ACOT13: variants seen among roughly 807,000 people sequenced by gnomAD.
ACOT13 encodes acyl-CoA thioesterase 13.
Under a neutral mutation model 11.8 loss-of-function variants are expected in ACOT13, and 10 were observed. That is an observed-to-expected ratio of 0.85 (90% CI 0.53 to 1.44). The LOEUF (loss-of-function observed/expected upper bound fraction) is 1.44, where lower values mean the gene tolerates loss of function less well. Among genes scored for constraint, ACOT13 ranks in the 40% most tolerant of loss-of-function variants. The probability of loss-of-function intolerance (pLI) is 0.00; values close to 1 mark genes in which losing one functional copy is unlikely to be tolerated. For missense variants in ACOT13, 172 were observed against 174.1 expected (o/e 0.99, Z 0.07); for synonymous variants, 53 against 61.0 (o/e 0.87, Z 0.61).
At chr6:24,668,775 A>G (rs112047292) in intron 1 of ACOT13, among the ~76,000 whole-genome samples, 1 of 152,164 alleles carries the variant, frequency 6.6e-6, no homozygotes, top group African/African-American at 2.4e-5. Context: ...TTACACTCCT[A>G]TGGGAAGATC....
At chr6:24,679,954 C>T (rs1457624605) in intron 1 of ACOT13, among the ~76,000 whole-genome samples, 1 of 152,152 alleles carries the variant, frequency 6.6e-6, no homozygotes, top group Non-Finnish European at 1.5e-5. Context: ...CCTCACATTG[C>T]TTGGAGGGGG....
At chr6:24,689,818 G>T (rs770106964) in intron 1 of ACOT13, among the ~76,000 whole-genome samples, 7 of 152,180 alleles carry the variant, frequency 4.6e-5, no homozygotes, top group Non-Finnish European at 8.8e-5. Flanking sequence ...GTGAAGTAAT[G>T]AACTCAAGAG....
chr6:24,700,425 C>CTT (rs34173572), intron 2 of ACOT13, among the ~76,000 whole-genome samples: 1,653 of 105,082 alleles, frequency 0.016, 283 homozygotes, highest in African/African-American at 0.06. Flanking sequence ...TAAGATCCAC[C>CTT]TTTTTTTTTT....
At chr6:24,692,660 C>A (rs945783795) in intron 1 of ACOT13, among the ~76,000 whole-genome samples, 3 of 152,166 alleles carry the variant, frequency 2.0e-5, no homozygotes, top group African/African-American at 7.2e-5. Flanking sequence ...CTCAAGCAAT[C>A]CTCCCACCTC....
Position 24,671,041 on chromosome 6 carries a change from G to A in ACOT13, c.81+3697G>A, listed in dbSNP as rs113108706. ...AGTGTAAACTAGGTCAACCATTGTG[G>A]AAGACACTGTGGTGATTCCTCAAGG... On this transcript the variant is annotated intron_variant, in intron 1 of 2. Transcript: ENST00000230048. Among the ~76,000 whole-genome samples, 400 of 152,212 alleles carry A rather than the reference G, an allele frequency of 2.6e-3. 4 individuals carry two copies. Among genetic ancestry groups the A allele is most frequent in the African/African-American group, 9.2e-3 (380 of 41,526 alleles).
chr6:24,672,083 AT>A (rs1778374596), intron 1 of ACOT13, among the ~76,000 whole-genome samples: 1 of 152,250 alleles, frequency 6.6e-6, no homozygotes, highest in African/African-American at 2.4e-5. Context: ...ATAATTTATA[AT>A]TTGATTTTGG....
At chr6:24,681,560 G>A (rs908384892) in intron 1 of ACOT13, among the ~76,000 whole-genome samples, 1 of 99,664 alleles carries the variant, frequency 1.0e-5, no homozygotes, top group Non-Finnish European at 1.9e-5. Flanking sequence ...CTCTCTCTCC[G>A]TCTCTCCCTC....
At chr6:24,695,293 AGCGAGACTCT>A (rs1417235045) in intron 1 of ACOT13, among the ~76,000 whole-genome samples, 2 of 152,192 alleles carry the variant, frequency 1.3e-5, no homozygotes, top group African/African-American at 4.8e-5. Context: ...TGGGTGACAG[AGCGAGACTCT>A]GTCTCAAAAA....
intron 1 of ACOT13, among the ~76,000 whole-genome samples, chr6:24,677,020 T>C (rs530936165): frequency 3.9e-5 from 6 of 152,224 alleles, no homozygotes; most frequent in Admixed American, 1.3e-4. Flanking sequence ...GGGCTATTAG[T>C]TCTGCATGCT....
At chr6:24,701,128 TAAG>T (rs1365116368) in intron 2 of ACOT13, 3 of 178,954 alleles carry the variant, frequency 1.7e-5, no homozygotes, top group Non-Finnish European at 3.5e-5. Flanking sequence ...ATATTTCATC[TAAG>T]AAGTTAAGGA....
chr6:24,677,559 T>C (rs1014542699), intron 1 of ACOT13, among the ~76,000 whole-genome samples: 62 of 152,248 alleles, frequency 4.1e-4, no homozygotes, highest in African/African-American at 1.4e-3. Context: ...CCCTCGGACC[T>C]GTATAAGGAC....
At chr6:24,677,864 C>T (rs1175306561) in intron 1 of ACOT13, among the ~76,000 whole-genome samples, 4 of 152,210 alleles carry the variant, frequency 2.6e-5, no homozygotes, top group Non-Finnish European at 4.4e-5. Flanking sequence ...AGGCTGGATA[C>T]GTTCCTCACT....
At chr6:24,679,866 T>G (rs896938189) in intron 1 of ACOT13, among the ~76,000 whole-genome samples, 8 of 152,204 alleles carry the variant, frequency 5.3e-5, no homozygotes, top group Non-Finnish European at 1.2e-4. Flanking sequence ...ATCTGAGAAT[T>G]TACCTAGGTC....
rs966628401 is a variant in ACOT13, at chr6:24,685,637, C to T, written c.82-12246C>T. Among the ~76,000 whole-genome samples the T allele has an allele frequency of 3.9e-5, 6 of 152,288 alleles. No homozygotes were observed. The East Asian group carries it at 7.7e-4, about 20-fold the overall frequency. The stretch of plus-strand genomic sequence containing the variant: ...CTGGGATTACAGGCGTAAGCCACCG[C>T]GCCCGGCCCTTTTACTGTACTTTTT... On this transcript the variant is annotated intron_variant, in intron 1 of 2. Coordinates refer to ENST00000230048, the MANE Select transcript of ACOT13 (RefSeq NM_018473.4).
At chr6:24,688,978 G>C (rs951900543) in intron 1 of ACOT13, among the ~76,000 whole-genome samples, 1 of 152,144 alleles carries the variant, frequency 6.6e-6, no homozygotes, top group Admixed American at 6.5e-5. Flanking sequence ...AACATTAAAG[G>C]ATGCTTAAAA....
At chr6:24,697,818 A>G (rs1778818886) in intron 1 of ACOT13, 65 bp from the exon 2 acceptor site, 1 of 1,357,132 alleles carries the variant, frequency 7.4e-7, no homozygotes, top group Non-Finnish European at 9.9e-7. Context: ...ATTGTTCTTC[A>G]TGGGCTTTTT....
intron 1 of ACOT13, among the ~76,000 whole-genome samples, chr6:24,669,501 T>G (rs1233279650): frequency 1.3e-5 from 2 of 152,190 alleles, no homozygotes; most frequent in East Asian, 3.9e-4. Context: ...TCCTTTTAAC[T>G]TAGTGATTTG....
Position 24,667,129 on chromosome 6 carries a change from C to T in ACOT13, c.-135C>T. The T allele has an allele frequency of 1.0e-6, 1 of 979,420 alleles. No individual in the cohort carries two copies. The highest frequency in any genetic ancestry group is 1.5e-6 in the Non-Finnish European group (1 of 663,982). 60.7% of individuals were successfully genotyped at this position (979,420 alleles called of 1,614,324 possible). A position where few individuals can be genotyped will look rare whatever the true frequency, so the allele number is the denominator to read the frequency against. ...TGCCAGCTCGCCTGACTCCCGGCCTCTTGCGCTCCTAGGGGCGGAGAAGGG... is the reference window on the plus strand; with the variant it reads ...TGCCAGCTCGCCTGACTCCCGGCCTTTTGCGCTCCTAGGGGCGGAGAAGGG... On this transcript the variant is annotated 5_prime_UTR_variant, in exon 1 of 3. Coordinates refer to ENST00000230048, the MANE Select transcript of ACOT13 (RefSeq NM_018473.4).
chr6:24,696,064 AAAAAC>A (rs1358387221), intron 1 of ACOT13, among the ~76,000 whole-genome samples: 1 of 152,222 alleles, frequency 6.6e-6, no homozygotes, highest in Non-Finnish European at 1.5e-5. Context: ...TCTCAAAACA[AAAAAC>A]AAACAAAAAA....
Sources: allele counts gnomAD v4.1 joint callset (sites outside exome capture counted in the v4.1 genomes callset), GRCh38; gene constraint gnomAD v4.1.1; transcripts MANE v1.5; gene names NCBI Gene and HGNC (gene_info 2026-07-23, HGNC 2026-07-21).